Variants in PBX3 observed in about 807,000 individuals in gnomAD.
PBX3 encodes the protein pre-B-cell leukemia transcription factor 3.
Under a neutral mutation model 48.5 loss-of-function variants are expected in PBX3, and 14 were observed. That is an observed-to-expected ratio of 0.29 (90% CI 0.19 to 0.45). The LOEUF (loss-of-function observed/expected upper bound fraction) is 0.45. PBX3 is among the 20% of genes least tolerant of loss of function. The pLI, the probability that PBX3 is intolerant of heterozygous loss-of-function variation, is 1.00. For synonymous variants in PBX3, 210 were observed against 200.3 expected (o/e 1.05, Z -0.41); for missense variants, 386 against 546.7 (o/e 0.71, Z 2.93).
rs767283062 is a variant in PBX3 at position 125,747,521 on chromosome 9, G to C, written c.68G>C (p.Gly23Ala). 6.2e-7 allele frequency: 1 copy of C among 1,600,130 alleles called. No individual in the cohort carries two copies. The highest frequency in any genetic ancestry group is 8.5e-7 in the Non-Finnish European group (1 of 1,173,942). Residue 23 changes from glycine (G) to alanine (A), a missense_variant, in exon 1 of 9, where the codon GGG becomes GCG. Physicochemically the swap from Gly to Ala is moderately conservative, Grantham distance 60. This residue lies in a region of PBX3 where 116 missense variants were observed against 98.2 expected (regional missense o/e 1.18). Transcript: ENST00000373489. ...GVNLAGHSVQ[G>A]GMALPPPPHG... ...AACCTGGCTGGCCACTCGGTGCAGGGGGGCATGGCCCTGCCGCCTCCCCCG... is the reference window on the plus strand; with the variant it reads ...AACCTGGCTGGCCACTCGGTGCAGGCGGGCATGGCCCTGCCGCCTCCCCCG...
intron 5 of PBX3, among the ~76,000 whole-genome samples, chr9:125,955,468 T>A (rs1842286077): frequency 6.6e-6 from 1 of 152,140 alleles, no homozygotes; most frequent in African/African-American, 2.4e-5. Flanking sequence ...AAAAGGGGGT[T>A]TAGAGGTTAA....
intron 2 of PBX3, among the ~76,000 whole-genome samples, chr9:125,780,960 G>A (rs1345038701): frequency 4.3e-4 from 46 of 107,690 alleles, no homozygotes; most frequent in Middle Eastern, 4.5e-3. Flanking sequence ...CCCAGACGGG[G>A]TTGCGGCCGG....
intron 2 of PBX3, among the ~76,000 whole-genome samples, chr9:125,882,631 T>C (rs938537760): frequency 2.6e-5 from 4 of 152,226 alleles, no homozygotes; most frequent in African/African-American, 9.6e-5. Context: ...AGTTTATTCT[T>C]TCCTCTTAAG....
intron 2 of PBX3, among the ~76,000 whole-genome samples, chr9:125,897,119 G>A (rs1383036736): frequency 7.1e-6 from 1 of 140,428 alleles, no homozygotes; most frequent in Non-Finnish European, 1.5e-5. Context: ...GCCATTTCAT[G>A]TGGGCTTTAT....
At chr9:125,751,664 G>A (rs1836379224) in intron 2 of PBX3, among the ~76,000 whole-genome samples, 3 of 152,156 alleles carry the variant, frequency 2.0e-5, no homozygotes, top group Admixed American at 6.5e-5. Context: ...CACCCAAAAA[G>A]TTGTAGGCTT....
chr9:125,833,822 T>G (rs1389827980), intron 2 of PBX3, among the ~76,000 whole-genome samples: 2 of 152,230 alleles, frequency 1.3e-5, no homozygotes, highest in Non-Finnish European at 2.9e-5. Flanking sequence ...GTATAAGTTT[T>G]TGTGTAGACA....
chr9:125,817,885 A>G (rs1838513274), intron 2 of PBX3, among the ~76,000 whole-genome samples: 1 of 152,178 alleles, frequency 6.6e-6, no homozygotes, highest in Non-Finnish European at 1.5e-5. Flanking sequence ...TAGATGATGG[A>G]CCATTCACAA....
intron 2 of PBX3, among the ~76,000 whole-genome samples, chr9:125,752,065 A>G (rs1836390900): frequency 6.6e-6 from 1 of 152,222 alleles, no homozygotes; most frequent in Non-Finnish European, 1.5e-5. Flanking sequence ...TATGCATGAA[A>G]AAAAATAAAC....
At chr9:125,838,358 GTC>G (rs1839197866) in intron 2 of PBX3, among the ~76,000 whole-genome samples, 1 of 152,176 alleles carries the variant, frequency 6.6e-6, no homozygotes, top group African/African-American at 2.4e-5. Flanking sequence ...CGTCTTCTAA[GTC>G]TACTTTGGAC....
intron 2 of PBX3, among the ~76,000 whole-genome samples, chr9:125,867,472 T>C (rs963882979): frequency 6.6e-6 from 1 of 151,860 alleles, no homozygotes; most frequent in African/African-American, 2.4e-5. Context: ...AAACCCCATC[T>C]GTACTAAAAA....
chr9:125,927,551 T>TG (rs1841605794), intron 3 of PBX3, among the ~76,000 whole-genome samples: 1 of 152,214 alleles, frequency 6.6e-6, no homozygotes, highest in Non-Finnish European at 1.5e-5. Flanking sequence ...TGTCTTGCAT[T>TG]GATCAGTGAT....
chr9:125,902,669 A>G (rs935187260), intron 2 of PBX3, among the ~76,000 whole-genome samples: 11 of 151,696 alleles, frequency 7.3e-5, no homozygotes, highest in African/African-American at 2.7e-4. Context: ...GCACTTCCAA[A>G]TTTATTTTGA....
chr9:125,900,161 T>G (rs1840907885), intron 2 of PBX3, among the ~76,000 whole-genome samples: 1 of 151,468 alleles, frequency 6.6e-6, no homozygotes, highest in South Asian at 2.1e-4. Flanking sequence ...TGTAGATAAT[T>G]TTTTAATAAT....
intron 2 of PBX3, among the ~76,000 whole-genome samples, chr9:125,809,739 A>G (rs1838232573): frequency 6.6e-6 from 1 of 152,330 alleles, no homozygotes; most frequent in African/African-American, 2.4e-5. Context: ...CATCAATGTA[A>G]ACCATAAGGA....
intron 3 of PBX3, among the ~76,000 whole-genome samples, chr9:125,921,142 A>G (rs1174511174): frequency 6.6e-6 from 1 of 152,198 alleles, no homozygotes; most frequent in East Asian, 1.9e-4. Context: ...TCATTGTTCC[A>G]AGGGAAGAGT....
chr9:125,843,417 G>A (rs551795431), intron 2 of PBX3, among the ~76,000 whole-genome samples: 1 of 151,870 alleles, frequency 6.6e-6, no homozygotes, highest in African/African-American at 2.4e-5. Flanking sequence ...GGTCATATGG[G>A]GTATACGGAG....
intron 2 of PBX3, among the ~76,000 whole-genome samples, chr9:125,882,032 C>G (rs974971164): frequency 3.3e-5 from 5 of 151,654 alleles, no homozygotes; most frequent in Non-Finnish European, 7.4e-5. Context: ...GAGACTTCAT[C>G]TCTGCAAAAT....
At chr9:125,790,808 C>G (rs1032849343) in intron 2 of PBX3, among the ~76,000 whole-genome samples, 3 of 151,992 alleles carry the variant, frequency 2.0e-5, no homozygotes, top group African/African-American at 7.3e-5. Flanking sequence ...CTGGAGTGAT[C>G]CTCTCAAAGT....
chr9:125,783,621 ACT>A (rs1471889557), intron 2 of PBX3, among the ~76,000 whole-genome samples: 3 of 151,902 alleles, frequency 2.0e-5, no homozygotes, highest in Admixed American at 2.0e-4. Context: ...CTTTGCTAAT[ACT>A]CTGTTTTTGT....
Sources: gnomAD v4.1 joint callset for allele counts (sites outside exome capture counted in the v4.1 genomes callset) on GRCh38, gnomAD v4.1.1 for gene constraint, gnomAD v4.1.1 regional missense constraint, MANE v1.5 for transcripts, NCBI Gene and HGNC (gene_info 2026-07-23, HGNC 2026-07-21) for gene names.